Variants in TGM5 observed in about 807,000 individuals in gnomAD.
The protein encoded by TGM5 is protein-glutamine gamma-glutamyltransferase 5.
A neutral mutation model predicts 77.2 loss-of-function variants in TGM5; 69 were observed. That is an observed-to-expected ratio of 0.89 (90% confidence interval 0.74 to 1.09). The LOEUF (loss-of-function observed/expected upper bound fraction) is 1.09, where lower values mean the gene tolerates loss of function less well. Ranked by LOEUF, TGM5 falls within the 50% of genes least tolerant of loss-of-function variation. The pLI is 0.00. For synonymous variants in TGM5, 346 were observed against 351.8 expected, an observed-to-expected ratio of 0.98 and a Z score of 0.18; for missense variants, 842 against 896.5, an observed-to-expected ratio of 0.94 and a Z score of 0.78.
chr15:43,253,614 G>A lies in TGM5; in HGVS notation c.576C>T (p.Asp192=). 6.2e-7 allele frequency: 1 copy of A among 1,613,604 alleles called. No individual in the cohort carries two copies. The highest frequency in any genetic ancestry group is 8.5e-7 in the Non-Finnish European group (1 of 1,180,034). Residue 192 remains aspartate (D), a synonymous_variant, in exon 5 of 13, where the codon GAC becomes GAT. Transcript: ENST00000220420. ...NYGQFEDKII[D]ICLKLLDKSL... is the part of the protein sequence containing the mutation. ...TCTTGTCTAGCAGCTTCAGGCAGAT[G>A]TCTATGATTTTGTCTTCAAACTTCG...
At position 43,238,876 on chromosome 15, in the gene TGM5, G is replaced by T. The variant is rs375714653; in HGVS notation, c.1286C>A (p.Thr429Lys). The change falls in exon 9 of 13, where the codon ACA becomes AAA. Residue 429 changes from threonine to lysine, a missense_variant. Physicochemically the swap from Thr to Lys is moderately conservative, Grantham distance 78. This residue lies in a region of TGM5 where 815 missense variants were observed against 844.6 expected (regional missense o/e 0.96). Transcript: ENST00000220420. ...CCGCTCGTCACTCTGGATGCTCTTT[G>T]TGCTGATAAAATTGCCAACAGAACT... is the stretch of plus-strand genomic sequence containing the variant. ...DTSSVGNFIS[T>K]KSIQSDERDD... 1.2e-5 allele frequency: 19 copies of T among 1,614,072 alleles called. 1 individual carries two copies. In the African/African-American group the frequency reaches 2.1e-4, roughly 18 times the overall value.
At chr15:43,239,345 A>G in intron 7 of TGM5, 79 bp from the exon 8 acceptor site, 1 of 1,426,084 alleles carries the variant, frequency 7.0e-7, no homozygotes, top group Non-Finnish European at 9.9e-7. Context: ...GAGCAAATGA[A>G]CTGTTGGATA....
chr15:43,234,793 T>C lies in TGM5; in HGVS notation c.1851A>G (p.Leu617=). ...EKILVNKIIT[L]SYPSITINVL... ...CATTAATCGTGATGCTTGGATAAGA[T>C]AAGGTGATGATCTTGTTCACCAGGA... The change falls in exon 11 of 13, where the codon TTA becomes TTG. Residue 617 remains leucine (L), a synonymous_variant. Coordinates refer to ENST00000220420, the MANE Select transcript of TGM5 (RefSeq NM_201631.4). 6.2e-7 allele frequency: 1 copy of C among 1,614,220 alleles called. No homozygotes were observed. Among genetic ancestry groups the C allele is most frequent in the Non-Finnish European group, 8.5e-7 (1 of 1,180,036 alleles).
intron 3 of TGM5, 102 bp from the exon 4 acceptor site, chr15:43,256,788 GC>G: frequency 1.1e-6 from 1 of 898,196 alleles, no homozygotes; most frequent in Non-Finnish European, 1.9e-6. Flanking sequence ...TGGAGCAAGG[GC>G]CCCTGGCGAC....
chr15:43,256,732 C>T lies in TGM5; in HGVS notation c.437-46G>A, dbSNP rs773401445. The stretch of plus-strand genomic sequence containing the variant: ...GCACGAAGCAGAAAAGTCACCTTTC[C>T]CTTACTGCCCCATTCTCATCCCCAC... On this transcript the variant is annotated intron_variant, in intron 3 of 12. Coordinates refer to ENST00000220420, the MANE Select transcript of TGM5 (RefSeq NM_201631.4). The T allele has an allele frequency of 2.7e-5, 36 of 1,330,898 alleles. No individual in the cohort carries two copies. The South Asian group carries it at 4.1e-4, about 15-fold the overall frequency. The allele number at this position is 1,330,898 out of a possible 1,614,324, so 82.4% of individuals were successfully genotyped here.
In TGM5 at chr15:43,233,168, C is replaced by T. The variant is rs148827379; in HGVS notation, c.*23G>A. 127 of 1,613,728 alleles carry T rather than the reference C, an allele frequency of 7.9e-5. No homozygotes were observed. The East Asian group carries it at 2.0e-3, about 25-fold the overall frequency. ...CTTTTCCTGAAGCTTGAAATTCACA[C>T]GTCTGGCGCGTTGTTCCAGAATTTA... On this transcript the variant is annotated 3_prime_UTR_variant, in exon 13 of 13. Coordinates refer to ENST00000220420, the MANE Select transcript of TGM5 (RefSeq NM_201631.4).
Position 43,233,618 on chromosome 15 carries a change from G to C in TGM5, c.1945C>G (p.Gln649Glu). Residue 649 changes from glutamine (Q) to glutamate (E), a missense_variant, in exon 12 of 13, where the codon CAG becomes GAG. Coordinates refer to ENST00000220420, the MANE Select transcript of TGM5 (RefSeq NM_201631.4). ...ACAGTCAGCACACAGTCCTCAACCT[G>C]CTCCGAGAGGGGGTTTGAAAATATC... ...QVIFSNPLSE[Q>E]VEDCVLTVEG... 1 of 1,614,210 alleles carries C rather than the reference G, an allele frequency of 6.2e-7. No individual in the cohort carries two copies. Among genetic ancestry groups the C allele is most frequent in the Non-Finnish European group, 8.5e-7 (1 of 1,180,034 alleles).
intron 1 of TGM5, among the ~76,000 whole-genome samples, chr15:43,265,422 G>A (rs1238836054): frequency 6.6e-6 from 1 of 152,194 alleles, no homozygotes; most frequent in African/African-American, 2.4e-5. Context: ...AGTTCAGGTT[G>A]GGCACATGAC....
intron 1 of TGM5, among the ~76,000 whole-genome samples, chr15:43,265,338 G>A (rs1008259793): frequency 1.3e-5 from 2 of 152,178 alleles, no homozygotes; most frequent in African/African-American, 2.4e-5. Context: ...AAAGCACTTG[G>A]CTTTTACCTA....
intron 1 of TGM5, among the ~76,000 whole-genome samples, chr15:43,261,082 T>TTG (rs2042784700): frequency 1.3e-4 from 13 of 102,526 alleles, no homozygotes; most frequent in South Asian, 4.0e-4. Flanking sequence ...GTGTGTTTTT[T>TTG]TTTTTTTTTT....
At position 43,243,795 on chromosome 15, in the gene TGM5, T is replaced by G. The variant is rs1045892989; in HGVS notation, c.863-2805A>C. Among the ~76,000 whole-genome samples, 29 of 152,336 alleles carry G rather than the reference T, an allele frequency of 1.9e-4. 1 individual carries two copies. The highest frequency in any genetic ancestry group is 3.2e-4 in the Non-Finnish European group (22 of 68,026). Reference sequence around the variant, plus strand: ...TTACTGAACTTATTGTCTTCCAGCCTTCTCGGTCTTCCTTTCTAGTCAAGG... The same window carrying G: ...TTACTGAACTTATTGTCTTCCAGCCGTCTCGGTCTTCCTTTCTAGTCAAGG... On this transcript the variant is annotated intron_variant, in intron 6 of 12. Coordinates refer to ENST00000220420, the MANE Select transcript of TGM5 (RefSeq NM_201631.4).
In TGM5 at chr15:43,234,825, C is replaced by T. The variant is rs1307391240; in HGVS notation, c.1819G>A (p.Glu607Lys). 1 of 1,614,228 alleles carries T rather than the reference C, an allele frequency of 6.2e-7. No homozygotes were observed. Among genetic ancestry groups the T allele is most frequent in the Non-Finnish European group, 8.5e-7 (1 of 1,180,038 alleles). The change falls in exon 11 of 13, where the codon GAG (glutamate) becomes AAG (lysine). Residue 607 changes from glutamate to lysine, a missense_variant. Around this residue, in one of 2 missense-constraint regions of TGM5, gnomAD observed 815 missense variants for 844.6 expected, o/e 0.96. Transcript: ENST00000220420. ...ATGATCTTGTTCACCAGGATTTTCT[C>T]AGGACTGCTTTTCTCTTCACCCAGG... ...SALGEEKSSP[E>K]KILVNKIITL...
intron 10 of TGM5, among the ~76,000 whole-genome samples, chr15:43,235,193 C>G (rs2042578933): frequency 6.7e-6 from 1 of 150,212 alleles, no homozygotes; most frequent in African/African-American, 2.4e-5. Context: ...GCAAAACCAG[C>G]TACTTTTGTT....
chr15:43,264,954 A>G (rs1294116801), intron 1 of TGM5, among the ~76,000 whole-genome samples: 1 of 152,218 alleles, frequency 6.6e-6, no homozygotes, highest in Non-Finnish European at 1.5e-5. Flanking sequence ...TGATCAGCAT[A>G]TTGTAGGTAC....
chr15:43,266,471 C>A (rs992811645), intron 1 of TGM5, among the ~76,000 whole-genome samples: 1 of 152,208 alleles, frequency 6.6e-6, no homozygotes, highest in East Asian at 1.9e-4. Flanking sequence ...TCCAATCCCT[C>A]CTTTTTCAGG....
chr15:43,238,759 G>T, intron 9 of TGM5, 58 bp downstream of exon 9: 1 of 1,601,984 alleles, frequency 6.2e-7, no homozygotes, highest in East Asian at 2.2e-5. Context: ...GGCTCCCTGG[G>T]GTAGGGGAAG....
At chr15:43,238,477 T>G (rs2042606758) in intron 9 of TGM5, among the ~76,000 whole-genome samples, 1 of 152,172 alleles carries the variant, frequency 6.6e-6, no homozygotes, top group African/African-American at 2.4e-5. Flanking sequence ...AATAATACCC[T>G]AAATAAAATA....
Position 43,253,671 on chromosome 15 carries a change from C to G in TGM5, c.556-37G>C, listed in dbSNP as rs2042723660. On this transcript the variant is annotated intron_variant, in intron 4 of 12. Coordinates refer to ENST00000220420, the MANE Select transcript of TGM5 (RefSeq NM_201631.4). ...GAGGCAGAGAGGGAAGGCACCCATG[C>G]TTGTCACGTGGGAGTATGTAAAAAG... 8 of 1,607,906 alleles carry G rather than the reference C, an allele frequency of 5.0e-6. No homozygotes were observed. The East Asian group carries it at 1.8e-4, about 36-fold the overall frequency.
In TGM5 at chr15:43,253,615, T is replaced by G; in HGVS notation, c.575A>C (p.Asp192Ala). 1 of 1,613,556 alleles carries G rather than the reference T, an allele frequency of 6.2e-7. No individual in the cohort carries two copies. The change falls in exon 5 of 13, where the codon GAC becomes GCC. Residue 192 changes from aspartate (D) to alanine (A), a missense_variant. By Grantham distance (126) the Asp-to-Ala change is moderately radical. This residue lies in a region of TGM5 where 815 missense variants were observed against 844.6 expected (regional missense o/e 0.96). Coordinates refer to ENST00000220420, the MANE Select transcript of TGM5 (RefSeq NM_201631.4). ...NYGQFEDKII[D>A]ICLKLLDKSL... ...CTTGTCTAGCAGCTTCAGGCAGATGTCTATGATTTTGTCTTCAAACTTCGG... is the reference window on the plus strand; with the variant it reads ...CTTGTCTAGCAGCTTCAGGCAGATGGCTATGATTTTGTCTTCAAACTTCGG...
Sources: allele counts gnomAD v4.1 joint callset (sites outside exome capture counted in the v4.1 genomes callset), GRCh38; gene constraint gnomAD v4.1.1; regional missense constraint gnomAD v4.1.1; transcripts MANE v1.5; gene names NCBI Gene and HGNC (gene_info 2026-07-23, HGNC 2026-07-21).